PARD3B: variants seen among roughly 807,000 people sequenced by gnomAD.
PARD3B encodes partitioning defective 3 homolog B.
Under a neutral mutation model 130.2 loss-of-function variants are expected in PARD3B, and 103 were observed. The ratio of observed to expected loss-of-function variants is 0.79; its 90% confidence interval spans 0.67 to 0.93. The LOEUF is 0.93. PARD3B is among the 40% of genes least tolerant of loss of function. PARD3B has a pLI of 0.00. For synonymous variants in PARD3B, 583 were observed against 553.2 expected (o/e 1.05, Z -0.76); for missense variants, 1,609 against 1,499.2 (o/e 1.07, Z -1.21).
At chr2:204,696,970 C>G (rs2037639268) in intron 2 of PARD3B, among the ~76,000 whole-genome samples, 1 of 151,960 alleles carries the variant, frequency 6.6e-6, no homozygotes, top group African/African-American at 2.4e-5. Flanking sequence ...AACCATGTTA[C>G]AATTGAAATA....
chr2:204,850,981 G>T (rs907497160), intron 2 of PARD3B, among the ~76,000 whole-genome samples: 1 of 152,124 alleles, frequency 6.6e-6, no homozygotes. Context: ...TTTGTAGAAG[G>T]CTTGCATTTG....
chr2:205,508,037 T>A (rs192412177), intron 21 of PARD3B, among the ~76,000 whole-genome samples: 2 of 152,302 alleles, frequency 1.3e-5, no homozygotes, highest in East Asian at 3.9e-4. Context: ...TGAGTACAGA[T>A]TGTCTCAGCA....
rs1278048944 is a variant in PARD3B, at chr2:205,591,292, G to C, written c.3261-24164G>C. ...CATTTTGGGAAAGTGGTAATAACTTGCTTCATTTCCATCTGGAGGAAGCAG... is the reference window on the plus strand; with the variant it reads ...CATTTTGGGAAAGTGGTAATAACTTCCTTCATTTCCATCTGGAGGAAGCAG... On this transcript the variant is annotated intron_variant, in intron 22 of 22. Transcript: ENST00000406610. The surrounding 1 kb of genome is among the most constrained non-coding windows in gnomAD (Gnocchi z 4.2). 1.3e-5 allele frequency among the ~76,000 whole-genome samples: 2 copies of C among 152,158 alleles called. No homozygotes were observed. The highest frequency in any genetic ancestry group is 2.9e-5 in the Non-Finnish European group (2 of 68,012).
intron 2 of PARD3B, among the ~76,000 whole-genome samples, chr2:204,870,147 C>T (rs2125645754): frequency 6.6e-6 from 1 of 152,168 alleles, no homozygotes; most frequent in African/African-American, 2.4e-5. Flanking sequence ...TGCCCTTTTC[C>T]AAGGCCCCCA....
intron 2 of PARD3B, among the ~76,000 whole-genome samples, chr2:204,935,255 C>T (rs770733086): frequency 8.0e-5 from 12 of 150,356 alleles, no homozygotes; most frequent in South Asian, 2.1e-4. Context: ...ATAGGCTGTG[C>T]GCAGTGGCTC....
intron 18 of PARD3B, among the ~76,000 whole-genome samples, chr2:205,302,533 C>T (rs1278605435): frequency 6.6e-6 from 1 of 152,216 alleles, no homozygotes; most frequent in African/African-American, 2.4e-5. Context: ...ACAATGCCTG[C>T]AGTCCTTTGT....
intron 4 of PARD3B, among the ~76,000 whole-genome samples, chr2:205,083,563 G>T (rs921928194): frequency 6.7e-6 from 1 of 148,872 alleles, no homozygotes; most frequent in Non-Finnish European, 1.5e-5. Context: ...ATTTCTTTAT[G>T]TTTATCAGTC....
chr2:205,278,529 T>C (rs1203637166), intron 16 of PARD3B, among the ~76,000 whole-genome samples: 1 of 151,946 alleles, frequency 6.6e-6, no homozygotes, highest in Non-Finnish European at 1.5e-5. Context: ...AATACAGAAA[T>C]GGGAGGCTTC....
At chr2:204,566,048 A>G (rs556619846) in intron 1 of PARD3B, among the ~76,000 whole-genome samples, 259 of 152,366 alleles carry the variant, frequency 1.7e-3, no homozygotes, top group African/African-American at 6.1e-3. Flanking sequence ...AATGACTGCT[A>G]GTATAGTTTA....
At chr2:205,095,737 T>G (rs974501902) in intron 4 of PARD3B, among the ~76,000 whole-genome samples, 3 of 152,084 alleles carry the variant, frequency 2.0e-5, no homozygotes, top group Non-Finnish European at 2.9e-5. Flanking sequence ...CTTTTACACA[T>G]TTCTACCAAA....
chr2:204,666,235 T>C (rs2036016857), intron 1 of PARD3B, among the ~76,000 whole-genome samples: 1 of 152,148 alleles, frequency 6.6e-6, no homozygotes, highest in Admixed American at 6.6e-5. Flanking sequence ...GTAATCAAAA[T>C]GTGAACAAGG....
chr2:204,733,479 C>CTT (rs34103852), intron 2 of PARD3B, among the ~76,000 whole-genome samples: 17 of 127,246 alleles, frequency 1.3e-4, no homozygotes, highest in Non-Finnish European at 1.7e-4. Flanking sequence ...CCTTGACAGG[C>CTT]TTTTTTTTTT....
chr2:205,264,860 C>CT (rs552434136), intron 16 of PARD3B, among the ~76,000 whole-genome samples: 15 of 150,552 alleles, frequency 1.0e-4, no homozygotes, highest in Non-Finnish European at 2.2e-4. Context: ...TTTGAAAATA[C>CT]TTTTTTTTAC....
chr2:205,427,044 G>A (rs1458189913), intron 19 of PARD3B, among the ~76,000 whole-genome samples: 2 of 152,076 alleles, frequency 1.3e-5, no homozygotes, highest in Non-Finnish European at 2.9e-5. Context: ...AGAAGAGATA[G>A]GCTAATTAAA....
At chr2:205,566,691 T>C in intron 22 of PARD3B, among the ~76,000 whole-genome samples, 1 of 152,188 alleles carries the variant, frequency 6.6e-6, no homozygotes, top group South Asian at 2.1e-4. Flanking sequence ...TGATCCAGGA[T>C]ATTAAGCAAA....
At chr2:204,931,730 G>T (rs560754133) in intron 2 of PARD3B, among the ~76,000 whole-genome samples, 1 of 151,852 alleles carries the variant, frequency 6.6e-6, no homozygotes, top group Non-Finnish European at 1.5e-5. Flanking sequence ...CCTGTATCTG[G>T]TTAATTCACA....
intron 1 of PARD3B, among the ~76,000 whole-genome samples, chr2:204,589,257 C>T (rs955505211): frequency 1.1e-4 from 17 of 152,074 alleles, no homozygotes; most frequent in African/African-American, 3.9e-4. Context: ...AGGGAGGGGA[C>T]AGTGTTGAGC....
intron 2 of PARD3B, among the ~76,000 whole-genome samples, chr2:204,765,303 A>C (rs1005129144): frequency 6.6e-6 from 1 of 152,148 alleles, no homozygotes; most frequent in Non-Finnish European, 1.5e-5. Context: ...GTTGGAGGCC[A>C]CAGTCTGAGT....
chr2:205,100,458 T>A (rs1474093499), intron 4 of PARD3B, among the ~76,000 whole-genome samples: 1 of 152,086 alleles, frequency 6.6e-6, no homozygotes. Flanking sequence ...CCCAACTGTT[T>A]TTTTTTTGCA....
Sources: allele counts gnomAD v4.1 joint callset (sites outside exome capture counted in the v4.1 genomes callset), GRCh38; gene constraint gnomAD v4.1.1; non-coding constraint Gnocchi (gnomAD v3.1); transcripts MANE v1.5; gene names NCBI Gene and HGNC (gene_info 2026-07-23, HGNC 2026-07-21).